Variants in ACO1 observed in about 807,000 individuals in gnomAD.
The protein encoded by ACO1 is aconitase 1, also known as cytoplasmic aconitate hydratase.
In ACO1, 78 loss-of-function variants were observed where a neutral mutation model predicts 105.1. The ratio of observed to expected loss-of-function variants is 0.74; its 90% confidence interval spans 0.62 to 0.90. The LOEUF (loss-of-function observed/expected upper bound fraction) is 0.90. Ranked by LOEUF, ACO1 falls within the 40% of genes least tolerant of loss-of-function variation. The pLI, the probability that ACO1 is intolerant of heterozygous loss-of-function variation, is 0.00. For synonymous variants in ACO1, 364 were observed against 397.4 expected (o/e 0.92, Z 1.00); for missense variants, 965 against 1,111.1 (o/e 0.87, Z 1.87).
chr9:32,394,814 A>G (rs1252470383), intron 1 of ACO1, among the ~76,000 whole-genome samples: 1 of 152,216 alleles, frequency 6.6e-6, no homozygotes, highest in Non-Finnish European at 1.5e-5. Flanking sequence ...GGGTTTGCAT[A>G]TTGAGCTCTG....
intron 4 of ACO1, among the ~76,000 whole-genome samples, chr9:32,411,161 C>T (rs932409748): frequency 1.3e-5 from 2 of 152,152 alleles, no homozygotes. Context: ...ACAGTCCACC[C>T]GTCTTCGGTG....
intron 2 of ACO1, among the ~76,000 whole-genome samples, chr9:32,406,156 G>A (rs1384062469): frequency 6.6e-6 from 1 of 152,086 alleles, no homozygotes; most frequent in East Asian, 1.9e-4. Context: ...GTTACCACTG[G>A]CCATGCTGCA....
At chr9:32,429,837 C>A (rs1339053691) in intron 13 of ACO1, among the ~76,000 whole-genome samples, 1 of 152,190 alleles carries the variant, frequency 6.6e-6, no homozygotes, top group African/African-American at 2.4e-5. Flanking sequence ...AAGGGCTCTA[C>A]AGTTGTTTGT....
intron 1 of ACO1, among the ~76,000 whole-genome samples, chr9:32,386,065 G>A (rs909353801): frequency 6.6e-6 from 1 of 152,176 alleles, no homozygotes; most frequent in Non-Finnish European, 1.5e-5. Context: ...GCAAGGCTTC[G>A]CACATGCCTT....
At position 32,426,089 on chromosome 9, in the gene ACO1, T is replaced by C; in HGVS notation, c.1348+92T>C. On this transcript the variant is annotated intron_variant, in intron 11 of 20. Coordinates refer to ENST00000309951, the MANE Select transcript of ACO1 (RefSeq NM_002197.3). ...CCCAGGGCCTTGGCGGAGTTGTACA[T>C]GTAGTTCCCTGAACCTCGTCTTTTC... 3.1e-6 allele frequency: 4 copies of C among 1,303,744 alleles called. No homozygotes were observed. In the South Asian group the frequency reaches 4.3e-5, roughly 14 times the overall value. The allele number at this position is 1,303,744 out of a possible 1,614,324, so 80.8% of individuals were successfully genotyped here.
intron 6 of ACO1, 37 bp downstream of exon 6, chr9:32,418,548 C>T (rs1821902547): frequency 6.4e-7 from 1 of 1,558,086 alleles, no homozygotes; most frequent in Non-Finnish European, 8.7e-7. Flanking sequence ...TTGGGGCATG[C>T]ACTTTAATTC....
chr9:32,421,199 T>C (rs1035614527), intron 8 of ACO1, among the ~76,000 whole-genome samples, 172 bp downstream of exon 8: 11 of 152,134 alleles, frequency 7.2e-5, no homozygotes, highest in African/African-American at 2.7e-4. Flanking sequence ...GGAGTTAATA[T>C]GAGATAGAGA....
intron 1 of ACO1, among the ~76,000 whole-genome samples, chr9:32,392,640 G>T (rs1422696250): frequency 6.6e-6 from 1 of 152,148 alleles, no homozygotes; most frequent in Non-Finnish European, 1.5e-5. Context: ...TTGTTCATTG[G>T]CTCTGCCAGT....
chr9:32,395,475 C>CAA (rs35706646), intron 1 of ACO1, among the ~76,000 whole-genome samples: 2 of 151,794 alleles, frequency 1.3e-5, no homozygotes, highest in Non-Finnish European at 2.9e-5. Flanking sequence ...GACCCTGTCT[C>CAA]AAAAAACAAA....
chr9:32,434,085 AGAGTCT>A (rs944527022), intron 16 of ACO1, among the ~76,000 whole-genome samples: 17 of 152,326 alleles, frequency 1.1e-4, no homozygotes, highest in African/African-American at 4.1e-4. Flanking sequence ...TAAACCTAGT[AGAGTCT>A]GAGGGACTGT....
intron 15 of ACO1, among the ~76,000 whole-genome samples, chr9:32,433,475 A>G (rs1822285190): frequency 6.6e-6 from 1 of 152,088 alleles, no homozygotes; most frequent in African/African-American, 2.4e-5. Context: ...GGCTCAAGCC[A>G]TCCTCCCACC....
In ACO1 at chr9:32,425,899, A is replaced by G. The variant is rs199591033; in HGVS notation, c.1250A>G (p.Tyr417Cys). Residue 417 changes from tyrosine to cysteine, a missense_variant, in exon 11 of 21, where the codon TAT becomes TGT. By Grantham distance (194) the Tyr-to-Cys change is radical. Transcript: ENST00000309951. ...CATAATGACCATAAGACCTTTATCT[A>G]TGATAACACTGAATTCACCCTTGCT... The part of the protein sequence containing the change: ...EHHNDHKTFI[Y>C]DNTEFTLAHG... 4 of 1,613,992 alleles carry G rather than the reference A, an allele frequency of 2.5e-6. No individual in the cohort carries two copies. The highest frequency in any genetic ancestry group is 2.2e-5 in the East Asian group (1 of 44,882).
In ACO1 at chr9:32,448,664, C is replaced by T. The variant is rs541915376; in HGVS notation, c.2371-232C>T. Among the ~76,000 whole-genome samples, 33 of 152,284 alleles carry T rather than the reference C, an allele frequency of 2.2e-4. No individual in the cohort carries two copies. In the South Asian group the frequency reaches 5.4e-3, roughly 25 times the overall value. On this transcript the variant is annotated intron_variant, in intron 19 of 20. Coordinates refer to ENST00000309951, the MANE Select transcript of ACO1 (RefSeq NM_002197.3). ...GAGGTGACGCCCCACCCCACTTGAG[C>T]GCATCCTCCATGGGCTGCACCCACT...
rs149365244 is a variant in ACO1, at chr9:32,448,799, C to T, written c.2371-97C>T. 4,556 of 1,297,882 alleles carry T rather than the reference C, an allele frequency of 3.5e-3. 64 individuals carry two copies. In the African/African-American group the frequency reaches 0.046, roughly 13 times the overall value. The allele number at this position is 1,297,882 out of a possible 1,614,324, so 80.4% of individuals were successfully genotyped here. A position where few individuals can be genotyped will look rare whatever the true frequency, so the allele number is the denominator to read the frequency against. ...GCTGCAGACTGGAGCTGTTCCTATT[C>T]GGCCATCATGCCAGCTCTCTCACAA... On this transcript the variant is annotated intron_variant, in intron 19 of 20. Coordinates refer to ENST00000309951, the MANE Select transcript of ACO1 (RefSeq NM_002197.3).
chr9:32,402,605 G>C (rs1020880534), intron 1 of ACO1, among the ~76,000 whole-genome samples: 1 of 152,150 alleles, frequency 6.6e-6, no homozygotes, highest in African/African-American at 2.4e-5. Context: ...TGAAGGACCA[G>C]TGATAATACT....
intron 14 of ACO1, among the ~76,000 whole-genome samples, chr9:32,431,499 A>C (rs1822234416): frequency 6.6e-6 from 1 of 152,204 alleles, no homozygotes; most frequent in African/African-American, 2.4e-5. Flanking sequence ...GGTGAATAAT[A>C]AACCTCACAT....
intron 7 of ACO1, among the ~76,000 whole-genome samples, chr9:32,419,846 C>T (rs948537896): frequency 2.0e-5 from 3 of 152,188 alleles, no homozygotes; most frequent in African/African-American, 7.2e-5. Context: ...AAGGCCATTT[C>T]GTTTTGGAAG....
chr9:32,419,277 C>A, intron 7 of ACO1, 100 bp downstream of exon 7: 1 of 1,290,904 alleles, frequency 7.7e-7, no homozygotes, highest in African/African-American at 1.5e-5. Context: ...TCCAAGTGCT[C>A]TAGCAATGCA....
intron 18 of ACO1, among the ~76,000 whole-genome samples, chr9:32,438,449 G>C (rs1037422555): frequency 1.3e-5 from 2 of 152,136 alleles, no homozygotes; most frequent in Admixed American, 6.5e-5. Flanking sequence ...ACCAAGCCCA[G>C]AGAGCAAGCA....
Sources: gnomAD v4.1 joint callset for allele counts (sites outside exome capture counted in the v4.1 genomes callset) on GRCh38, gnomAD v4.1.1 for gene constraint, MANE v1.5 for transcripts, NCBI Gene and HGNC (gene_info 2026-07-23, HGNC 2026-07-21) for gene names.